The following ATP6V0A2 variants were observed in gnomAD, a reference collection of about 807,000 sequenced individuals.
The protein encoded by ATP6V0A2 is ATPase H+ transporting V0 subunit a2.
Under a neutral mutation model 104.4 loss-of-function variants are expected in ATP6V0A2, and 58 were observed. That is an observed-to-expected ratio of 0.56 (90% confidence interval 0.45 to 0.69). The LOEUF (loss-of-function observed/expected upper bound fraction) is 0.69. Ranked by LOEUF, ATP6V0A2 falls within the 30% of genes least tolerant of loss-of-function variation. The pLI is 0.00. For missense variants in ATP6V0A2, 938 were observed against 1,062.9 expected (o/e 0.88, Z 1.63); for synonymous variants, 376 against 397.9 (o/e 0.95, Z 0.65).
chr12:123,714,807 C>G (rs1395399898), intron 1 of ATP6V0A2, among the ~76,000 whole-genome samples: 1 of 152,142 alleles, frequency 6.6e-6, no homozygotes, highest in African/African-American at 2.4e-5. Flanking sequence ...TATGTCTGGG[C>G]ACGGTGGTTC....
chr12:123,752,484 A>C (rs947193028), intron 17 of ATP6V0A2, 82 bp downstream of exon 17: 5 of 1,549,052 alleles, frequency 3.2e-6, no homozygotes, highest in Non-Finnish European at 4.4e-6. Context: ...ATAATATTTA[A>C]TCATCTTAAA....
At chr12:123,718,779 A>G (rs1180334291) in intron 2 of ATP6V0A2, 78 bp downstream of exon 2, 5 of 1,022,596 alleles carry the variant, frequency 4.9e-6, no homozygotes, top group Non-Finnish European at 7.4e-6. Context: ...AAAATATTGG[A>G]AAATATAGAC....
chr12:123,727,615 A>C (rs1224671498), intron 5 of ATP6V0A2, among the ~76,000 whole-genome samples, 168 bp from the exon 6 acceptor site: 3 of 152,178 alleles, frequency 2.0e-5, no homozygotes, highest in Admixed American at 6.5e-5. Flanking sequence ...TCTACCTTTA[A>C]AAAGAAGTTT....
At chr12:123,748,040 T>C (rs556373163) in intron 14 of ATP6V0A2, among the ~76,000 whole-genome samples, 11 of 152,216 alleles carry the variant, frequency 7.2e-5, no homozygotes, top group Non-Finnish European at 1.5e-4. Flanking sequence ...TGTGCATTCA[T>C]GTCGATTTCC....
At chr12:123,756,640 C>T in intron 18 of ATP6V0A2, 175 bp from the exon 19 acceptor site, 1 of 643,942 alleles carries the variant, frequency 1.6e-6, no homozygotes, top group Non-Finnish European at 2.7e-6. Context: ...TTGAGACCGT[C>T]TCGGAGCTGA....
chr12:123,748,666 T>G lies in ATP6V0A2; in HGVS notation c.1816T>G (p.Phe606Val). 3 of 1,614,158 alleles carry G rather than the reference T, an allele frequency of 1.9e-6. No individual in the cohort carries two copies. Among genetic ancestry groups the G allele is most frequent in the Non-Finnish European group, 1.7e-6 (2 of 1,179,974 alleles). ...CIFGYLIFMI[F>V]YKWLVFSAET... The stretch of plus-strand genomic sequence containing the variant: ...CTTTGGATACCTTATATTTATGATT[T>G]TCTACAAGTGGCTGGTTTTTTCAGC... The change falls in exon 15 of 20, where the codon TTC becomes GTC. Residue 606 changes from phenylalanine to valine, a missense_variant. Physicochemically the swap from Phe to Val is conservative, Grantham distance 50. Transcript: ENST00000330342.
In ATP6V0A2 at chr12:123,744,431, C is replaced by T. The variant is rs907348453; in HGVS notation, c.1326+94C>T. On this transcript the variant is annotated intron_variant, in intron 11 of 19. Transcript: ENST00000330342. This position sits in a 1 kb window ranked among gnomAD's most constrained non-coding sequence, Gnocchi z 5.4. ...CCTCTTAGATGTTTGCTGTAGGCTG[C>T]GGCTGTGCTGGGCAGGTGTGTGGCC... 184 of 1,581,514 alleles carry T rather than the reference C, an allele frequency of 1.2e-4. No individual in the cohort carries two copies. In the African/African-American group the frequency reaches 1.8e-3, roughly 15 times the overall value.
chr12:123,744,729 G>A lies in ATP6V0A2; in HGVS notation c.1459G>A (p.Ala487Thr). The change falls in exon 12 of 20, where the codon GCC becomes ACC. Residue 487 changes from alanine (A) to threonine (T), a missense_variant. By Grantham distance (58) the Ala-to-Thr change is moderately conservative. Transcript: ENST00000330342. This position sits in a 1 kb window ranked among gnomAD's most constrained non-coding sequence, Gnocchi z 5.4. ...GTTCGGCTCTGGGTGGAACGTGTCGGCCATGTACAGCTCCAGCCACCCACC... is the reference window on the plus strand; with the variant it reads ...GTTCGGCTCTGGGTGGAACGTGTCGACCATGTACAGCTCCAGCCACCCACC... ...NLFGSGWNVS[A>T]MYSSSHPPAE... 6.2e-7 allele frequency: 1 copy of A among 1,614,100 alleles called. No individual in the cohort carries two copies. The highest frequency in any genetic ancestry group is 8.5e-7 in the Non-Finnish European group (1 of 1,180,022).
At chr12:123,725,334 A>G (rs1459466011) in intron 4 of ATP6V0A2, among the ~76,000 whole-genome samples, 1 of 152,234 alleles carries the variant, frequency 6.6e-6, no homozygotes, top group African/African-American at 2.4e-5. Context: ...GTTTTCAGCA[A>G]TTACAATACT....
At chr12:123,749,653 T>A (rs1956696250) in intron 15 of ATP6V0A2, among the ~76,000 whole-genome samples, 1 of 152,238 alleles carries the variant, frequency 6.6e-6, no homozygotes, top group South Asian at 2.1e-4. Context: ...TCAGTAAATG[T>A]CAGCATTTGC....
At position 123,744,555 on chromosome 12, in the gene ATP6V0A2, C is replaced by A. The variant is rs1156879240; in HGVS notation, c.1327-42C>A. On this transcript the variant is annotated intron_variant, in intron 11 of 19. Transcript: ENST00000330342. The surrounding 1 kb of genome is among the most constrained non-coding windows in gnomAD (Gnocchi z 5.4). ...CACACCGACAGCTGTCACATGGACA[C>A]CCTCCAGTAACCATATTCTGCCCCC... 2 of 1,610,922 alleles carry A rather than the reference C, an allele frequency of 1.2e-6. No individual in the cohort carries two copies.
At position 123,744,532 on chromosome 12, in the gene ATP6V0A2, C is replaced by T. The variant is rs1956640741; in HGVS notation, c.1327-65C>T. ...AAGTGAGTGGTGAGGGTCGTGCCCA[C>T]ACCGACAGCTGTCACATGGACACCC... On this transcript the variant is annotated intron_variant, in intron 11 of 19. Coordinates refer to ENST00000330342, the MANE Select transcript of ATP6V0A2 (RefSeq NM_012463.4). The surrounding 1 kb of genome is among the most constrained non-coding windows in gnomAD (Gnocchi z 5.4). 7 of 1,603,058 alleles carry T rather than the reference C, an allele frequency of 4.4e-6. No individual in the cohort carries two copies. The highest frequency in any genetic ancestry group is 1.3e-5 in the African/African-American group (1 of 74,784).
chr12:123,756,909 C>T lies in ATP6V0A2; in HGVS notation c.2388C>T (p.Leu796=), dbSNP rs755697937. 7 of 1,614,094 alleles carry T rather than the reference C, an allele frequency of 4.3e-6. No individual in the cohort carries two copies. The highest frequency in any genetic ancestry group is 3.4e-6 in the Non-Finnish European group (4 of 1,180,044). ...TGCTACTGCTCCCGGTTATCGCGCT[C>T]TTTGCAGTTTTGACCATTTTCATCC... ...GVLLLLPVIA[L]FAVLTIFILL... Residue 796 remains leucine (L), a synonymous_variant, in exon 19 of 20, where the codon CTC becomes CTT. Transcript: ENST00000330342.
At chr12:123,717,280 G>A (rs192373273) in intron 1 of ATP6V0A2, among the ~76,000 whole-genome samples, 12 of 135,890 alleles carry the variant, frequency 8.8e-5, no homozygotes, top group African/African-American at 1.7e-4. Flanking sequence ...CTGCCAGTAC[G>A]TTCCAGCCTG....
At position 123,758,905 on chromosome 12, in the gene ATP6V0A2, T is replaced by C. The variant is rs1341862888; in HGVS notation, c.*873T>C. The C allele has an allele frequency of 6.6e-6, 1 of 152,440 alleles. No individual in the cohort carries two copies. The highest frequency in any genetic ancestry group is 6.5e-5 in the Admixed American group (1 of 15,282). The allele number at this position is 152,440 out of a possible 1,614,324, so 9.4% of individuals were successfully genotyped here. A position where few individuals can be genotyped will look rare whatever the true frequency, so the allele number is the denominator to read the frequency against. ...TTACAATTTTGTCTTGTTTTAGTAA[T>C]TGGGGACAATGGGATAAAATGACAT... On this transcript the variant is annotated 3_prime_UTR_variant, in exon 20 of 20. Transcript: ENST00000330342.
At chr12:123,740,240 T>C (rs1299428514) in intron 9 of ATP6V0A2, among the ~76,000 whole-genome samples, 1 of 151,456 alleles carries the variant, frequency 6.6e-6, no homozygotes, top group Non-Finnish European at 1.5e-5. Flanking sequence ...TCTGGCTCTT[T>C]CGCCCACGCT....
At chr12:123,733,313 CA>C (rs11339028) in intron 6 of ATP6V0A2, 56,352 of 102,208 alleles carry the variant, frequency 0.55, 13,186 homozygotes, top group East Asian at 0.89. Context: ...GACTCTGTCT[CA>C]AAAAAAAAAA....
At position 123,743,846 on chromosome 12, in the gene ATP6V0A2, C is replaced by T. The variant is rs1017892678; in HGVS notation, c.1100C>T (p.Pro367Leu). 4.3e-6 allele frequency: 7 copies of T among 1,614,094 alleles called. No individual in the cohort carries two copies. The highest frequency in any genetic ancestry group is 2.2e-5 in the South Asian group (2 of 91,064). The change falls in exon 10 of 20, where the codon CCC becomes CTC. Residue 367 changes from proline (P) to leucine (L), a missense_variant. Coordinates refer to ENST00000330342, the MANE Select transcript of ATP6V0A2 (RefSeq NM_012463.4). Reference sequence around the variant, plus strand: ...ATAATCCCCACAAAAGAAACACCCCCCACTCGGATCCGCACCAACAAATTC... The same window carrying T: ...ATAATCCCCACAAAAGAAACACCCCTCACTCGGATCCGCACCAACAAATTC... ...MNIIPTKETPPTRIRTNKFTE... is the reference protein window; with the variant it reads ...MNIIPTKETPLTRIRTNKFTE...
At position 123,722,404 on chromosome 12, in the gene ATP6V0A2, G is replaced by T; in HGVS notation, c.250G>T (p.Ala84Ser). 6.2e-7 allele frequency: 1 copy of T among 1,613,264 alleles called. No homozygotes were observed. The highest frequency in any genetic ancestry group is 8.5e-7 in the Non-Finnish European group (1 of 1,179,222). The change falls in exon 3 of 20, where the codon GCC becomes TCC. Residue 84 changes from alanine to serine, a missense_variant. By Grantham distance (99) the Ala-to-Ser change is moderately conservative. Coordinates refer to ENST00000330342, the MANE Select transcript of ATP6V0A2 (RefSeq NM_012463.4). ...RADIPLPEGE[A>S]SPPAPPLKQV... is the part of the protein sequence containing the mutation. ...TGATATTCCCCTTCCTGAAGGAGAG[G>T]CCAGCCCTCCTGCGCCACCCCTGAA...
Sources: gnomAD v4.1 joint callset for allele counts (sites outside exome capture counted in the v4.1 genomes callset) on GRCh38, gnomAD v4.1.1 for gene constraint, Gnocchi (gnomAD v3.1) non-coding constraint, MANE v1.5 for transcripts, NCBI Gene and HGNC (gene_info 2026-07-23, HGNC 2026-07-21) for gene names.